CLNK: variants seen among roughly 807,000 people sequenced by gnomAD.
CLNK encodes cytokine-dependent hematopoietic cell linker.
CLNK carries 74 observed loss-of-function variants against 68.6 expected under a neutral mutation model. That is an observed-to-expected ratio of 1.08 (90% CI 0.89 to 1.31). CLNK has a LOEUF of 1.31. Ranked by LOEUF, CLNK falls within the 50% of genes most tolerant of loss-of-function variation. The pLI is 0.00. For synonymous variants in CLNK, 198 were observed against 172.2 expected (o/e 1.15, Z -1.17); for missense variants, 553 against 515.3 (o/e 1.07, Z -0.71).
chr4:10,570,244 A>G (rs1378711043), intron 5 of CLNK, among the ~76,000 whole-genome samples: 1 of 152,138 alleles, frequency 6.6e-6, no homozygotes, highest in African/African-American at 2.4e-5. Flanking sequence ...GTGAGCCTGA[A>G]CCCATTTTCC....
chr4:10,588,687 T>C (rs775228248), intron 3 of CLNK, among the ~76,000 whole-genome samples: 8 of 152,184 alleles, frequency 5.3e-5, no homozygotes, highest in African/African-American at 1.9e-4. Flanking sequence ...ATAGTTAATG[T>C]TTACAACTTG....
At chr4:10,612,352 A>C (rs1031211437) in intron 2 of CLNK, among the ~76,000 whole-genome samples, 12 of 152,342 alleles carry the variant, frequency 7.9e-5, no homozygotes, top group Middle Eastern at 3.4e-3. Flanking sequence ...CCCAAAAGAC[A>C]ATGGACACAT....
chr4:10,525,887 G>T lies in CLNK; in HGVS notation c.685C>A (p.Leu229Met). ...TCTTGAGTATTTTGGTTTTCTAACA[G>T]ATGAGTTGATTCAGGCTTCCTCTGG... ...HNQRKPESTH[L>M]LENQNTQEIP... The change falls in exon 14 of 19, where the codon CTG becomes ATG. Residue 229 changes from leucine to methionine, a missense_variant. Physicochemically the swap from Leu to Met is conservative, Grantham distance 15 (BLOSUM62 2). Coordinates refer to ENST00000226951, the MANE Select transcript of CLNK (RefSeq NM_052964.4). The T allele has an allele frequency of 6.3e-7, 1 of 1,582,176 alleles. No individual in the cohort carries two copies. Among genetic ancestry groups the T allele is most frequent in the Non-Finnish European group, 8.6e-7 (1 of 1,162,154 alleles).
At chr4:10,512,823 A>T (rs952341952) in intron 16 of CLNK, among the ~76,000 whole-genome samples, 4 of 151,424 alleles carry the variant, frequency 2.6e-5, no homozygotes, top group African/African-American at 9.7e-5. Flanking sequence ...AGCATACAAG[A>T]TACAGTGAAA....
intron 2 of CLNK, among the ~76,000 whole-genome samples, chr4:10,633,557 A>C (rs1183122973): frequency 6.6e-6 from 1 of 152,184 alleles, no homozygotes; most frequent in Non-Finnish European, 1.5e-5. Context: ...ACGCAATTTG[A>C]CAGAGACCCA....
chr4:10,706,980 C>T, the CLNK span, among the ~76,000 whole-genome samples: 1 of 152,138 alleles, frequency 6.6e-6, no homozygotes, highest in Non-Finnish European at 1.5e-5. Flanking sequence ...CAGGGTTTCA[C>T]CACGTTGGCC....
chr4:10,554,573 A>G (rs1327971996), intron 8 of CLNK, among the ~76,000 whole-genome samples: 3 of 152,196 alleles, frequency 2.0e-5, no homozygotes, highest in East Asian at 1.9e-4. Flanking sequence ...CTGTAGTTCA[A>G]TTAATGAGTG....
intron 12 of CLNK, among the ~76,000 whole-genome samples, chr4:10,532,043 T>C (rs73809634): frequency 0.063 from 9,549 of 152,244 alleles, 561 homozygotes; most frequent in African/African-American, 0.15. Context: ...TGAATGACCA[T>C]GGTGGCCAAA....
At chr4:10,596,220 T>A (rs1003577561) in intron 3 of CLNK, among the ~76,000 whole-genome samples, 4 of 152,074 alleles carry the variant, frequency 2.6e-5, no homozygotes, top group Non-Finnish European at 4.4e-5. Context: ...AGACGGGGTT[T>A]CTCCATGTTG....
At chr4:10,499,203 T>G (rs1309834023) in intron 18 of CLNK, among the ~76,000 whole-genome samples, 3 of 152,190 alleles carry the variant, frequency 2.0e-5, no homozygotes, top group Admixed American at 1.3e-4. Context: ...TGGGATTAGT[T>G]TAGATTGTAA....
chr4:10,543,863 G>A (rs1211415189), intron 8 of CLNK, among the ~76,000 whole-genome samples: 1 of 152,066 alleles, frequency 6.6e-6, no homozygotes, highest in Non-Finnish European at 1.5e-5. Context: ...GATGTCCTTG[G>A]CATTGTGAAA....
At chr4:10,595,012 G>C (rs559143728) in intron 3 of CLNK, among the ~76,000 whole-genome samples, 3 of 152,094 alleles carry the variant, frequency 2.0e-5, no homozygotes, top group Non-Finnish European at 4.4e-5. Context: ...CAGGAGAATC[G>C]TTTGAACCTG....
chr4:10,626,575 A>G (rs1476586890), intron 2 of CLNK, among the ~76,000 whole-genome samples: 1 of 152,192 alleles, frequency 6.6e-6, no homozygotes, highest in Non-Finnish European at 1.5e-5. Flanking sequence ...GAAAAGTACA[A>G]GAAAAAAACA....
the CLNK span, among the ~76,000 whole-genome samples, chr4:10,729,673 GA>G: frequency 3.7e-3 from 570 of 152,288 alleles, 6 homozygotes; most frequent in African/African-American, 0.013. Flanking sequence ...GAAACAATCA[GA>G]AATGGAAAGT....
chr4:10,634,500 C>T (rs992275121), intron 2 of CLNK, among the ~76,000 whole-genome samples: 1 of 152,238 alleles, frequency 6.6e-6, no homozygotes, highest in Non-Finnish European at 1.5e-5. Flanking sequence ...CTTTCTACCT[C>T]TCCACATTTG....
At chr4:10,716,860 A>AT in the CLNK span, among the ~76,000 whole-genome samples, 3 of 151,778 alleles carry the variant, frequency 2.0e-5, no homozygotes, top group African/African-American at 7.2e-5. Context: ...TGCTCAGCTA[A>AT]TTTTTGTATT....
chr4:10,531,752 T>G (rs1036556775), intron 12 of CLNK: 1 of 456,730 alleles, frequency 2.2e-6, no homozygotes, highest in Non-Finnish European at 4.4e-6. Flanking sequence ...CCATCCCTAT[T>G]TTATGGCTGA....
At chr4:10,542,203 G>T in intron 9 of CLNK, 52 bp downstream of exon 9, 1 of 1,279,120 alleles carries the variant, frequency 7.8e-7, no homozygotes, top group Non-Finnish European at 1.1e-6. Flanking sequence ...TATATCTCTA[G>T]GCTTCTAAAG....
chr4:10,537,902 A>G (rs1238153989), intron 11 of CLNK, among the ~76,000 whole-genome samples: 1 of 151,018 alleles, frequency 6.6e-6, no homozygotes, highest in Admixed American at 6.6e-5. Flanking sequence ...TCATACGAAG[A>G]TGGTTATTTT....
Sources: gnomAD v4.1 joint callset for allele counts (sites outside exome capture counted in the v4.1 genomes callset) on GRCh38, gnomAD v4.1.1 for gene constraint, MANE v1.5 for transcripts, NCBI Gene and HGNC (gene_info 2026-07-23, HGNC 2026-07-21) for gene names.